GRIA1: variants seen among roughly 807,000 people sequenced by gnomAD.
GRIA1 encodes glutamate receptor 1.
Under a neutral mutation model 99.2 loss-of-function variants are expected in GRIA1, and 31 were observed. That is an observed-to-expected ratio of 0.31 (90% CI 0.23 to 0.42). The LOEUF is 0.42. Ranked by LOEUF, GRIA1 falls within the 10% of genes least tolerant of loss-of-function variation. The pLI is 1.00. For synonymous variants in GRIA1, 438 were observed against 432.4 expected (o/e 1.01, Z -0.16); for missense variants, 782 against 1,157.5 (o/e 0.68, Z 4.71).
At chr5:153,659,353 A>C (rs1300228875) in intron 5 of GRIA1, among the ~76,000 whole-genome samples, 2 of 152,192 alleles carry the variant, frequency 1.3e-5, no homozygotes, top group African/African-American at 4.8e-5. Flanking sequence ...CATAAGATGA[A>C]CTTGAACCAT....
At position 153,802,343 on chromosome 5, in the gene GRIA1, C is replaced by T; in HGVS notation, c.2386-13C>T. 1 of 1,613,316 alleles carries T rather than the reference C, an allele frequency of 6.2e-7. No individual in the cohort carries two copies. On this transcript the variant is annotated splice_polypyrimidine_tract_variant and intron_variant, in intron 14 of 15. Transcript: ENST00000285900. Reference sequence around the variant, plus strand: ...CTTCCCCCTCCCCTTCCTTTCCCTCCTCCTCTTCTTAGGACAAGACAAGCG... The same window carrying T: ...CTTCCCCCTCCCCTTCCTTTCCCTCTTCCTCTTCTTAGGACAAGACAAGCG...
At chr5:153,504,056 G>A (rs1367767214) in intron 2 of GRIA1, among the ~76,000 whole-genome samples, 3 of 152,140 alleles carry the variant, frequency 2.0e-5, no homozygotes, top group African/African-American at 7.2e-5. Flanking sequence ...AAAGTCCTGG[G>A]CCTGATGTCA....
At chr5:153,726,128 T>C (rs1760506818) in intron 11 of GRIA1, among the ~76,000 whole-genome samples, 1 of 152,182 alleles carries the variant, frequency 6.6e-6, no homozygotes, top group African/African-American at 2.4e-5. Context: ...AACAACCTGC[T>C]TATGAATGAC....
At chr5:153,572,844 A>G (rs4958346) in intron 2 of GRIA1, among the ~76,000 whole-genome samples, 150,703 of 152,290 alleles carry the variant, frequency 0.99, 74,594 homozygotes, top group South Asian at 1. Context: ...TTGAATTTTC[A>G]TTGGCTCTAG....
At chr5:153,535,159 C>T (rs549613144) in intron 2 of GRIA1, among the ~76,000 whole-genome samples, 6 of 152,176 alleles carry the variant, frequency 3.9e-5, no homozygotes, top group South Asian at 4.1e-4. Flanking sequence ...TGACCTCAAG[C>T]GATCTGCCCG....
At chr5:153,549,038 C>T (rs1273901131) in intron 2 of GRIA1, among the ~76,000 whole-genome samples, 2 of 152,120 alleles carry the variant, frequency 1.3e-5, no homozygotes, top group Admixed American at 6.5e-5. Flanking sequence ...TGAGTAAATA[C>T]TATACAACTT....
intron 2 of GRIA1, among the ~76,000 whole-genome samples, chr5:153,496,349 C>T (rs1363029688): frequency 2.6e-5 from 4 of 152,126 alleles, no homozygotes; most frequent in Non-Finnish European, 4.4e-5. Context: ...CTGTCTTGTT[C>T]GTTCAGTTAA....
intron 11 of GRIA1, among the ~76,000 whole-genome samples, chr5:153,713,260 G>A (rs1157377143): frequency 6.6e-6 from 1 of 152,234 alleles, no homozygotes; most frequent in Non-Finnish European, 1.5e-5. Flanking sequence ...AAGCCAGCAA[G>A]AGGAACTTAC....
intron 11 of GRIA1, among the ~76,000 whole-genome samples, chr5:153,716,696 G>A (rs1759689108): frequency 6.6e-6 from 1 of 152,144 alleles, no homozygotes; most frequent in African/African-American, 2.4e-5. Context: ...AAGGGACTGT[G>A]GGACATTCCA....
At chr5:153,683,672 A>G (rs1757142814) in intron 7 of GRIA1, among the ~76,000 whole-genome samples, 1 of 152,200 alleles carries the variant, frequency 6.6e-6, no homozygotes, top group Non-Finnish European at 1.5e-5. Flanking sequence ...CCCTTGTCTT[A>G]GACAACCTAC....
intron 2 of GRIA1, among the ~76,000 whole-genome samples, chr5:153,497,288 AC>A (rs1436900371): frequency 6.6e-6 from 1 of 152,218 alleles, no homozygotes; most frequent in African/African-American, 2.4e-5. Context: ...CTGATCAGCT[AC>A]CCAGCTTATT....
At chr5:153,492,164 G>T in intron 1 of GRIA1, 1 of 1,501,758 alleles carries the variant, frequency 6.7e-7, no homozygotes, top group South Asian at 1.3e-5. Context: ...TGTTTGAGGG[G>T]GGATGTGGTG....
At chr5:153,500,601 C>T (rs935083466) in intron 2 of GRIA1, among the ~76,000 whole-genome samples, 2 of 136,658 alleles carry the variant, frequency 1.5e-5, no homozygotes, top group Non-Finnish European at 3.1e-5. Flanking sequence ...TCTCTCTCCC[C>T]CTCTTACATA....
At chr5:153,778,620 A>G (rs1363450490) in intron 13 of GRIA1, among the ~76,000 whole-genome samples, 2 of 151,310 alleles carry the variant, frequency 1.3e-5, no homozygotes, top group Non-Finnish European at 2.9e-5. Flanking sequence ...GATTATTCAG[A>G]TAATAAAGAT....
intron 10 of GRIA1, among the ~76,000 whole-genome samples, chr5:153,700,151 G>A (rs112902505): frequency 5.3e-5 from 8 of 152,280 alleles, no homozygotes; most frequent in African/African-American, 1.9e-4. Flanking sequence ...TTGGGAGGCC[G>A]AGGCAGGTGG....
chr5:153,656,114 T>G (rs1387097731), intron 5 of GRIA1, among the ~76,000 whole-genome samples: 3 of 152,156 alleles, frequency 2.0e-5, no homozygotes, highest in African/African-American at 7.2e-5. Flanking sequence ...CACGGCTTTA[T>G]CATCTTCACA....
intron 6 of GRIA1, among the ~76,000 whole-genome samples, 162 bp from the exon 7 acceptor site, chr5:153,676,832 G>C (rs1756620785): frequency 6.6e-6 from 1 of 152,054 alleles, no homozygotes; most frequent in Admixed American, 6.6e-5. Flanking sequence ...GCTTCTCAGG[G>C]ACACCATCCC....
chr5:153,642,638 A>G (rs1278130243), intron 2 of GRIA1, among the ~76,000 whole-genome samples: 2 of 42,398 alleles, frequency 4.7e-5, no homozygotes, highest in Non-Finnish European at 1.5e-4. Flanking sequence ...CCTGTTTCAG[A>G]AAAAAAAAAA....
At chr5:153,639,617 CT>C (rs1210732583) in intron 2 of GRIA1, among the ~76,000 whole-genome samples, 1 of 152,218 alleles carries the variant, frequency 6.6e-6, no homozygotes, top group African/African-American at 2.4e-5. Context: ...ATTTTATTTT[CT>C]TTGTAATATT....
Sources: allele counts gnomAD v4.1 joint callset (sites outside exome capture counted in the v4.1 genomes callset), GRCh38; gene constraint gnomAD v4.1.1; transcripts MANE v1.5; gene names NCBI Gene and HGNC (gene_info 2026-07-23, HGNC 2026-07-21).